AUTS2: variants seen among roughly 807,000 people sequenced by gnomAD.
AUTS2 encodes the protein activator of transcription and developmental regulator AUTS2.
Under a neutral mutation model 112.4 loss-of-function variants are expected in AUTS2, and 17 were observed. The ratio of observed to expected loss-of-function variants is 0.15; its 90% CI spans 0.10 to 0.23. The LOEUF is 0.23. AUTS2 is among the 10% of genes least tolerant of loss of function. The probability of loss-of-function intolerance (pLI) is 1.00; values close to 1 mark genes in which losing one functional copy is unlikely to be tolerated. For missense variants in AUTS2, 1,510 were observed against 1,701.6 expected (o/e 0.89, Z 1.98); for synonymous variants, 751 against 702.7 (o/e 1.07, Z -1.09).
intron 1 of AUTS2, among the ~76,000 whole-genome samples, chr7:69,741,527 A>G (rs1787264749): frequency 6.6e-6 from 1 of 152,094 alleles, no homozygotes; most frequent in Admixed American, 6.6e-5. Flanking sequence ...CAATGTGGCG[A>G]AACCCTGCCT....
intron 4 of AUTS2, among the ~76,000 whole-genome samples, chr7:70,337,796 CCAG>C (rs1458818990): frequency 6.6e-6 from 1 of 152,168 alleles, no homozygotes; most frequent in African/African-American, 2.4e-5. Context: ...AGTTGGGACA[CCAG>C]CAGATCTGTT....
chr7:70,541,301 C>T (rs56189811), intron 5 of AUTS2, among the ~76,000 whole-genome samples: 3 of 152,228 alleles, frequency 2.0e-5, no homozygotes, highest in Non-Finnish European at 4.4e-5. Context: ...ACTGTCACAG[C>T]CCTTGACAGA....
rs78658423 is a variant in AUTS2 at position 70,670,361 on chromosome 7, C to T, written c.691-28208C>T. ...ATTGATTCCATCCACATATTAGCCC[C>T]GATCCTCATATGCATGTGTCAGAAA... On this transcript the variant is annotated intron_variant, in intron 5 of 18. Transcript: ENST00000342771. Among the ~76,000 whole-genome samples, 632 of 152,238 alleles carry T rather than the reference C, an allele frequency of 4.2e-3. 4 individuals are homozygous for T. Among genetic ancestry groups the T allele is most frequent in the African/African-American group, 0.014 (600 of 41,540 alleles).
chr7:69,775,660 T>G (rs1355066149), intron 1 of AUTS2, among the ~76,000 whole-genome samples: 2 of 152,104 alleles, frequency 1.3e-5, no homozygotes, highest in Non-Finnish European at 2.9e-5. Flanking sequence ...CAGCACACAT[T>G]TCAAGGCAAG....
At chr7:70,118,428 G>A (rs1027796995) in intron 3 of AUTS2, 195 bp downstream of exon 3, 6 of 648,808 alleles carry the variant, frequency 9.2e-6, no homozygotes, top group African/African-American at 3.8e-5. Context: ...CTAAAATGTC[G>A]TTTGAGCAAA....
chr7:70,004,650 G>A (rs1584562168), intron 2 of AUTS2, among the ~76,000 whole-genome samples: 1 of 150,986 alleles, frequency 6.6e-6, no homozygotes. Context: ...AGTTTTGGCC[G>A]ACTTAGAGGC....
intron 1 of AUTS2, among the ~76,000 whole-genome samples, chr7:69,783,821 G>A (rs768418576): frequency 2.6e-5 from 4 of 152,162 alleles, no homozygotes; most frequent in Non-Finnish European, 4.4e-5. Context: ...TTGATCATTT[G>A]AATAGGTATC....
chr7:70,125,263 G>GTA (rs1429794336), intron 3 of AUTS2, among the ~76,000 whole-genome samples: 1 of 151,336 alleles, frequency 6.6e-6, no homozygotes, highest in Non-Finnish European at 1.5e-5. Flanking sequence ...GTGTGTGTGT[G>GTA]TGTGTGTGTG....
chr7:69,850,158 G>C (rs1017624668), intron 1 of AUTS2, among the ~76,000 whole-genome samples: 1 of 151,496 alleles, frequency 6.6e-6, no homozygotes, highest in Non-Finnish European at 1.5e-5. Flanking sequence ...AATTAGCCGG[G>C]CGTAGTGGCA....
At chr7:69,636,789 G>A (rs920239973) in intron 1 of AUTS2, among the ~76,000 whole-genome samples, 10 of 151,270 alleles carry the variant, frequency 6.6e-5, no homozygotes, top group African/African-American at 2.2e-4. Flanking sequence ...TTTTTGAGAC[G>A]GAGTCTCGTT....
At chr7:70,101,379 A>AG (rs1804486105) in intron 2 of AUTS2, among the ~76,000 whole-genome samples, 1 of 149,630 alleles carries the variant, frequency 6.7e-6, no homozygotes, top group South Asian at 2.1e-4. Context: ...CTGCCAAAAA[A>AG]AAAAAGAAAA....
intron 5 of AUTS2, among the ~76,000 whole-genome samples, chr7:70,446,954 C>T (rs1796342882): frequency 1.3e-5 from 2 of 152,158 alleles, no homozygotes; most frequent in African/African-American, 4.8e-5. Flanking sequence ...AACCAGGTGC[C>T]GCCCACAGTG....
intron 2 of AUTS2, among the ~76,000 whole-genome samples, chr7:70,000,974 T>C (rs976969750): frequency 1.3e-5 from 2 of 152,194 alleles, no homozygotes; most frequent in African/African-American, 2.4e-5. Context: ...TCTGCCAGGA[T>C]GGTTCTGCCT....
At chr7:70,015,287 C>T (rs905272042) in intron 2 of AUTS2, among the ~76,000 whole-genome samples, 3 of 152,196 alleles carry the variant, frequency 2.0e-5, no homozygotes, top group African/African-American at 4.8e-5. Context: ...TAACGTGAGC[C>T]AGGTGTTATA....
At chr7:69,739,871 G>T (rs1215346364) in intron 1 of AUTS2, among the ~76,000 whole-genome samples, 1 of 152,198 alleles carries the variant, frequency 6.6e-6, no homozygotes, top group Non-Finnish European at 1.5e-5. Context: ...ACTTCTGTAT[G>T]TTGGGGAAGG....
chr7:70,104,179 T>G (rs2129570080), intron 2 of AUTS2, among the ~76,000 whole-genome samples: 1 of 148,354 alleles, frequency 6.7e-6, no homozygotes, highest in African/African-American at 2.5e-5. Flanking sequence ...TATACACCTT[T>G]TTTTTTTTTT....
At chr7:70,456,558 C>T (rs1796748248) in intron 5 of AUTS2, among the ~76,000 whole-genome samples, 1 of 152,364 alleles carries the variant, frequency 6.6e-6, no homozygotes, top group Admixed American at 6.5e-5. Context: ...GGGCCAGAAG[C>T]CACTAGCAGG....
intron 2 of AUTS2, among the ~76,000 whole-genome samples, chr7:69,925,621 C>T (rs1238715134): frequency 1.3e-5 from 2 of 152,098 alleles, no homozygotes; most frequent in South Asian, 2.1e-4. Flanking sequence ...AGTGCAGTGG[C>T]GTGATCATAG....
At chr7:70,623,213 G>C (rs1429580648) in intron 5 of AUTS2, among the ~76,000 whole-genome samples, 2 of 152,142 alleles carry the variant, frequency 1.3e-5, no homozygotes, top group East Asian at 1.9e-4. Context: ...AAATGTACTT[G>C]GTCAATACTA....
Sources: gnomAD v4.1 joint callset for allele counts (sites outside exome capture counted in the v4.1 genomes callset) on GRCh38, gnomAD v4.1.1 for gene constraint, MANE v1.5 for transcripts, NCBI Gene and HGNC (gene_info 2026-07-23, HGNC 2026-07-21) for gene names.